Variants in ITK observed in about 807,000 individuals in gnomAD.
The protein encoded by ITK is IL2 inducible T cell kinase, also known as tyrosine-protein kinase ITK/TSK.
A neutral mutation model predicts 87.6 loss-of-function variants in ITK; 45 were observed. The observed-to-expected ratio is 0.51, with a 90% CI of 0.40 to 0.66. The LOEUF (loss-of-function observed/expected upper bound fraction) is 0.66, where lower values mean the gene tolerates loss of function less well. Ranked by LOEUF, ITK falls within the 30% of genes least tolerant of loss-of-function variation. The probability of loss-of-function intolerance (pLI) is 0.00; values close to 1 mark genes in which losing one functional copy is unlikely to be tolerated. For synonymous variants in ITK, 303 were observed against 273.6 expected (o/e 1.11, Z -1.06); for missense variants, 605 against 766.3 (o/e 0.79, Z 2.48).
intron 1 of ITK, among the ~76,000 whole-genome samples, chr5:157,203,359 C>G (rs1754013260): frequency 6.6e-6 from 1 of 152,158 alleles, no homozygotes; most frequent in Non-Finnish European, 1.5e-5. Flanking sequence ...AACCTGACAC[C>G]CTTTGTTTTG....
chr5:157,223,092 A>T, intron 6 of ITK, 78 bp downstream of exon 6: 2 of 1,541,716 alleles, frequency 1.3e-6, no homozygotes, highest in Non-Finnish European at 1.8e-6. Flanking sequence ...GATTTGTCCT[A>T]TCTCCCACAG....
chr5:157,248,931 G>T lies in ITK; in HGVS notation c.1715G>T (p.Ser572Ile), dbSNP rs140542010. 5.0e-6 allele frequency: 8 copies of T among 1,613,902 alleles called. No individual in the cohort carries two copies. The African/African-American group carries it at 1.1e-4, about 22-fold the overall frequency. ...RSNSEVVEDISTGFRLYKPRL... is the reference protein window; with the variant it reads ...RSNSEVVEDIITGFRLYKPRL... Reference sequence around the variant, plus strand: ...AACTCAGAGGTGGTGGAAGACATCAGTACCGGATTTCGGTTGTACAAGCCC... The same window carrying T: ...AACTCAGAGGTGGTGGAAGACATCATTACCGGATTTCGGTTGTACAAGCCC... The change falls in exon 16 of 17, where the codon AGT becomes ATT. Residue 572 changes from serine to isoleucine, a missense_variant. Ser to Ile is a moderately radical substitution (Grantham distance 142). Transcript: ENST00000422843.
intron 1 of ITK, among the ~76,000 whole-genome samples, chr5:157,191,456 A>G (rs1464487208): frequency 2.6e-5 from 4 of 152,206 alleles, no homozygotes; most frequent in Non-Finnish European, 4.4e-5. Flanking sequence ...TGATCCTCAT[A>G]TTGTCAAAAA....
At chr5:157,213,237 C>CA (rs1754227599) in intron 3 of ITK, among the ~76,000 whole-genome samples, 1 of 152,190 alleles carries the variant, frequency 6.6e-6, no homozygotes, top group African/African-American at 2.4e-5. Flanking sequence ...ATAAAACCAT[C>CA]AGGTCTCATG....
chr5:157,227,540 TG>T (rs1026041510), intron 6 of ITK, among the ~76,000 whole-genome samples: 7 of 152,312 alleles, frequency 4.6e-5, no homozygotes, highest in African/African-American at 1.7e-4. Flanking sequence ...AATCTGTGGT[TG>T]GAAAGTCATC....
intron 15 of ITK, among the ~76,000 whole-genome samples, chr5:157,247,155 A>G (rs551743088): frequency 2.2e-4 from 34 of 152,274 alleles, no homozygotes; most frequent in African/African-American, 7.2e-4. Flanking sequence ...TGGCTAGGTA[A>G]ATCTTTTAGG....
At chr5:157,199,798 A>AAATAGTATC (rs1395681203) in intron 1 of ITK, 5 of 152,236 alleles carry the variant, frequency 3.3e-5, no homozygotes, top group African/African-American at 1.2e-4. Flanking sequence ...AAATGTTCAA[A>AAATAGTATC]AATAGTATCA....
At chr5:157,218,990 C>G (rs1381401038) in intron 5 of ITK, among the ~76,000 whole-genome samples, 1 of 151,472 alleles carries the variant, frequency 6.6e-6, no homozygotes, top group Non-Finnish European at 1.5e-5. Context: ...AGTACCTACT[C>G]TAGGGCAGCT....
At chr5:157,236,203 A>G (rs1178366272) in intron 8 of ITK, among the ~76,000 whole-genome samples, 1 of 152,086 alleles carries the variant, frequency 6.6e-6, no homozygotes, top group African/African-American at 2.4e-5. Context: ...GTGAAACCTC[A>G]TCTCTACTAA....
chr5:157,215,777 A>G (rs567079728), intron 4 of ITK, among the ~76,000 whole-genome samples: 64 of 152,344 alleles, frequency 4.2e-4, no homozygotes, highest in African/African-American at 1.5e-3. Context: ...TGAGGGGCTT[A>G]GGATGAAATA....
At chr5:157,187,192 C>T (rs923181625) in intron 1 of ITK, among the ~76,000 whole-genome samples, 2 of 152,234 alleles carry the variant, frequency 1.3e-5, no homozygotes, top group Non-Finnish European at 2.9e-5. Context: ...TTCTTCACAG[C>T]ACATGCTGAA....
In ITK at chr5:157,239,929, A is replaced by G. The variant is rs553028715; in HGVS notation, c.852-133A>G. On this transcript the variant is annotated intron_variant, in intron 9 of 16. Transcript: ENST00000422843. The stretch of plus-strand genomic sequence containing the variant: ...AGGCCCAATCTGTCAAGACAGACTT[A>G]TAAGTTGAACAATATCTGCCACCTT... 3.4e-5 allele frequency: 31 copies of G among 907,804 alleles called. No homozygotes were observed. The East Asian group carries it at 7.4e-4, about 22-fold the overall frequency. The allele number at this position is 907,804 out of a possible 1,614,324, so 56.2% of individuals were successfully genotyped here.
At chr5:157,183,755 C>T (rs954304622) in intron 1 of ITK, among the ~76,000 whole-genome samples, 5 of 152,038 alleles carry the variant, frequency 3.3e-5, no homozygotes, top group African/African-American at 9.7e-5. Context: ...CTTAGGGTGT[C>T]GGGTGTCAGA....
chr5:157,211,688 T>C (rs1183908352), intron 3 of ITK, among the ~76,000 whole-genome samples: 2 of 152,234 alleles, frequency 1.3e-5, no homozygotes, highest in African/African-American at 4.8e-5. Flanking sequence ...AAATATTTAC[T>C]GTCTGGCCTT....
intron 1 of ITK, among the ~76,000 whole-genome samples, chr5:157,201,719 C>A: frequency 7.3e-6 from 1 of 136,290 alleles, no homozygotes; most frequent in South Asian, 2.4e-4. Flanking sequence ...TTTCATTGCA[C>A]ACCACATAAT....
chr5:157,216,098 C>G (rs1374775373), intron 4 of ITK, among the ~76,000 whole-genome samples: 2 of 152,196 alleles, frequency 1.3e-5, no homozygotes, highest in Non-Finnish European at 2.9e-5. Context: ...CCATATCCTC[C>G]TCTGAGCATC....
intron 16 of ITK, among the ~76,000 whole-genome samples, chr5:157,252,275 A>T (rs1311583780): frequency 6.6e-6 from 1 of 152,128 alleles, no homozygotes; most frequent in African/African-American, 2.4e-5. Flanking sequence ...ATATATTTTT[A>T]TATGTGATTT....
intron 8 of ITK, among the ~76,000 whole-genome samples, chr5:157,236,808 C>T (rs1298096678): frequency 1.3e-5 from 2 of 151,930 alleles, no homozygotes; most frequent in Non-Finnish European, 2.9e-5. Flanking sequence ...GTCAGGGTGG[C>T]GAAAGTTACA....
At chr5:157,190,213 A>G (rs1753726248) in intron 1 of ITK, among the ~76,000 whole-genome samples, 1 of 152,100 alleles carries the variant, frequency 6.6e-6, no homozygotes, top group Admixed American at 6.6e-5. Flanking sequence ...TCCTTTTCTG[A>G]TATTTAAAAA....
Sources: allele counts gnomAD v4.1 joint callset (sites outside exome capture counted in the v4.1 genomes callset), GRCh38; gene constraint gnomAD v4.1.1; transcripts MANE v1.5; gene names NCBI Gene and HGNC (gene_info 2026-07-23, HGNC 2026-07-21).